The following DGKI variants were observed in gnomAD, a reference collection of about 807,000 sequenced individuals.
DGKI encodes the protein diacylglycerol kinase iota.
A neutral mutation model predicts 147.5 loss-of-function variants in DGKI; 55 were observed. The ratio of observed to expected loss-of-function variants is 0.37; its 90% CI spans 0.30 to 0.47. DGKI has a LOEUF of 0.47. Among genes scored for constraint, DGKI ranks in the 20% least tolerant of loss-of-function variants. The pLI, the probability that DGKI is intolerant of heterozygous loss-of-function variation, is 1.00. For missense variants in DGKI, 1,007 were observed against 1,323.8 expected, an observed-to-expected ratio of 0.76 and a Z score of 3.71; for synonymous variants, 469 against 477.1, an observed-to-expected ratio of 0.98 and a Z score of 0.22.
chr7:137,787,768 T>C (rs1796718248), intron 1 of DGKI, among the ~76,000 whole-genome samples: 1 of 152,148 alleles, frequency 6.6e-6, no homozygotes, highest in South Asian at 2.1e-4. Flanking sequence ...GACGGAATAC[T>C]ACTCAGCCAT....
At chr7:137,541,964 A>C (rs1196963863) in intron 20 of DGKI, among the ~76,000 whole-genome samples, 1 of 152,194 alleles carries the variant, frequency 6.6e-6, no homozygotes, top group Non-Finnish European at 1.5e-5. Context: ...AAAAGACAGG[A>C]TATATACTGG....
At chr7:137,622,708 T>C (rs930974858) in intron 7 of DGKI, among the ~76,000 whole-genome samples, 2 of 152,178 alleles carry the variant, frequency 1.3e-5, no homozygotes, top group Non-Finnish European at 2.9e-5. Context: ...CTACGAGCTG[T>C]AGTCTGCCAA....
intron 20 of DGKI, among the ~76,000 whole-genome samples, chr7:137,540,755 ACCCCCC>A (rs372555566): frequency 3.3e-5 from 2 of 59,746 alleles, no homozygotes; most frequent in African/African-American, 1.3e-4. Context: ...CATTTTAAAA[ACCCCCC>A]CAAAAAAAAA....
In DGKI at chr7:137,703,943, G is replaced by A. The variant is rs147283461; in HGVS notation, c.402-13941C>T. Among the ~76,000 whole-genome samples the A allele has an allele frequency of 7.0e-3, 1,061 of 152,280 alleles. 13 individuals are homozygous for A. Among genetic ancestry groups the A allele is most frequent in the African/African-American group, 0.022 (909 of 41,560 alleles). Reference sequence around the variant, plus strand: ...TAAAAATTGCAGGCCAGGCACAGTCGCTCACACCTGTAACCCCAGCACTTT... The same window carrying A: ...TAAAAATTGCAGGCCAGGCACAGTCACTCACACCTGTAACCCCAGCACTTT... On this transcript the variant is annotated intron_variant, in intron 1 of 32. Transcript: ENST00000614521.
At chr7:137,743,900 G>C (rs1795249206) in intron 1 of DGKI, among the ~76,000 whole-genome samples, 1 of 150,926 alleles carries the variant, frequency 6.6e-6, no homozygotes, top group Admixed American at 6.6e-5. Context: ...GGAGAATGGT[G>C]TGAACTCGGG....
intron 21 of DGKI, among the ~76,000 whole-genome samples, chr7:137,507,868 C>A (rs1816421604): frequency 6.6e-6 from 1 of 152,116 alleles, no homozygotes; most frequent in African/African-American, 2.4e-5. Flanking sequence ...TTCCCCAAGA[C>A]CAGACACTCT....
chr7:137,490,137 C>T (rs530492699), intron 21 of DGKI, among the ~76,000 whole-genome samples: 1 of 152,270 alleles, frequency 6.6e-6, no homozygotes, highest in South Asian at 2.1e-4. Flanking sequence ...TTCTCTACCA[C>T]AATTTTATAA....
chr7:137,408,820 C>T (rs1812058247), intron 29 of DGKI, among the ~76,000 whole-genome samples: 1 of 152,172 alleles, frequency 6.6e-6, no homozygotes, highest in Non-Finnish European at 1.5e-5. Flanking sequence ...GAATGAGTCC[C>T]TCATCTCCAA....
At chr7:137,411,944 T>C (rs1291684631) in intron 29 of DGKI, among the ~76,000 whole-genome samples, 1 of 152,174 alleles carries the variant, frequency 6.6e-6, no homozygotes, top group African/African-American at 2.4e-5. Flanking sequence ...CTGTGCACAT[T>C]GCATCCTGGG....
chr7:137,570,643 G>A (rs1021347151), intron 19 of DGKI, among the ~76,000 whole-genome samples: 4 of 150,952 alleles, frequency 2.6e-5, no homozygotes, highest in African/African-American at 7.3e-5. Context: ...CCAGGCTGGA[G>A]TGCAGTGGCA....
At chr7:137,424,037 A>G (rs781659958) in intron 28 of DGKI, among the ~76,000 whole-genome samples, 4 of 152,280 alleles carry the variant, frequency 2.6e-5, no homozygotes, top group East Asian at 1.9e-4. Context: ...ACTGGGTTAT[A>G]ATAAAACATT....
intron 28 of DGKI, among the ~76,000 whole-genome samples, chr7:137,412,790 T>A (rs574642386): frequency 6.6e-6 from 1 of 152,332 alleles, no homozygotes; most frequent in Non-Finnish European, 1.5e-5. Context: ...CAAAGAGGAA[T>A]CAAGTCTATT....
intron 21 of DGKI, among the ~76,000 whole-genome samples, chr7:137,502,898 T>C (rs1816229435): frequency 6.6e-6 from 1 of 152,102 alleles, no homozygotes; most frequent in African/African-American, 2.4e-5. Context: ...AGTGACAGGC[T>C]GACCAGCAGC....
intron 1 of DGKI, among the ~76,000 whole-genome samples, chr7:137,745,764 T>A (rs1795306344): frequency 6.6e-6 from 1 of 152,156 alleles, no homozygotes; most frequent in Non-Finnish European, 1.5e-5. Flanking sequence ...ATGAGAGTTC[T>A]CAGCTTAAAA....
chr7:137,405,548 T>A (rs1436275983), intron 30 of DGKI, among the ~76,000 whole-genome samples: 1 of 152,010 alleles, frequency 6.6e-6, no homozygotes, highest in Non-Finnish European at 1.5e-5. Flanking sequence ...CATAAGGGAG[T>A]GTGGTAGATT....
chr7:137,618,746 A>G (rs1820638322), intron 8 of DGKI, among the ~76,000 whole-genome samples: 1 of 152,198 alleles, frequency 6.6e-6, no homozygotes, highest in African/African-American at 2.4e-5. Context: ...ACCTTGGGTA[A>G]CTCATTTAAC....
At chr7:137,453,760 A>G (rs534086446) in intron 27 of DGKI, among the ~76,000 whole-genome samples, 2 of 152,216 alleles carry the variant, frequency 1.3e-5, no homozygotes, top group South Asian at 2.1e-4. Context: ...GGAGGGAAGG[A>G]AATCATTTCC....
intron 21 of DGKI, among the ~76,000 whole-genome samples, chr7:137,495,879 A>G (rs2128940018): frequency 6.6e-6 from 1 of 152,276 alleles, no homozygotes; most frequent in South Asian, 2.1e-4. Context: ...ATCTGGAAGC[A>G]TTCCCCTTAA....
chr7:137,694,549 C>T (rs1156647794), intron 1 of DGKI, among the ~76,000 whole-genome samples: 1 of 152,106 alleles, frequency 6.6e-6, no homozygotes, highest in East Asian at 1.9e-4. Context: ...AGAAAAGCAC[C>T]AGAGAATCAG....
Sources: gnomAD v4.1 joint callset for allele counts (sites outside exome capture counted in the v4.1 genomes callset) on GRCh38, gnomAD v4.1.1 for gene constraint, MANE v1.5 for transcripts, NCBI Gene and HGNC (gene_info 2026-07-23, HGNC 2026-07-21) for gene names.